SEC14L1: variants seen among roughly 807,000 people sequenced by gnomAD.
SEC14L1 encodes SEC14-like protein 1.
A neutral mutation model predicts 85.3 loss-of-function variants in SEC14L1; 48 were observed. That is an observed-to-expected ratio of 0.56 (90% CI 0.45 to 0.72). The LOEUF (loss-of-function observed/expected upper bound fraction) is 0.72. Among genes scored for constraint, SEC14L1 ranks in the 30% least tolerant of loss-of-function variants. The pLI is 0.00. For synonymous variants in SEC14L1, 391 were observed against 355.5 expected (o/e 1.10, Z -1.12); for missense variants, 682 against 921.4 (o/e 0.74, Z 3.36).
rs377423988 is a variant in SEC14L1, at chr17:77,214,072, C to T, written c.*49C>T. 1.5e-5 allele frequency: 23 copies of T among 1,582,424 alleles called. No homozygotes were observed. Among genetic ancestry groups the T allele is most frequent in the Middle Eastern group, 2.3e-4 (1 of 4,360 alleles). On this transcript the variant is annotated 3_prime_UTR_variant, in exon 17 of 17. Coordinates refer to ENST00000436233, the MANE Select transcript of SEC14L1 (RefSeq NM_001143998.2). ...TGCAGAGGGGACGGCCGCCCCTCCTCGGACAGCCAGCTGCACCCGCCCACC... is the reference window on the plus strand; with the variant it reads ...TGCAGAGGGGACGGCCGCCCCTCCTTGGACAGCCAGCTGCACCCGCCCACC...
At chr17:77,202,021 G>C (rs1976174195) in intron 9 of SEC14L1, among the ~76,000 whole-genome samples, 1 of 152,120 alleles carries the variant, frequency 6.6e-6, no homozygotes, top group Non-Finnish European at 1.5e-5. Context: ...TATTCCTCCT[G>C]CTGCGCCTTC....
chr17:77,142,009 A>G (rs569390367), intron 1 of SEC14L1, among the ~76,000 whole-genome samples: 4 of 152,276 alleles, frequency 2.6e-5, no homozygotes, highest in African/African-American at 7.2e-5. Context: ...GAAAAGCTTC[A>G]AGTTGAGTTT....
In SEC14L1 at chr17:77,194,892, C is replaced by A; in HGVS notation, c.690C>A (p.Pro230=). ...DALSSPSAPE[P]VVGTPDDKLD... is the part of the protein sequence containing the mutation. ...TCAGCAGCCCCAGCGCACCTGAGCCCGTGGTGGGCACCCCTGACGGTGGGT... is the reference window on the plus strand; with the variant it reads ...TCAGCAGCCCCAGCGCACCTGAGCCAGTGGTGGGCACCCCTGACGGTGGGT... Residue 230 remains proline (P), a synonymous_variant, in exon 7 of 17, where the codon CCC becomes CCA. Coordinates refer to ENST00000436233, the MANE Select transcript of SEC14L1 (RefSeq NM_001143998.2). 1 of 1,613,966 alleles carries A rather than the reference C, an allele frequency of 6.2e-7. No homozygotes were observed. Among genetic ancestry groups the A allele is most frequent in the Non-Finnish European group, 8.5e-7 (1 of 1,179,848 alleles).
Position 77,213,039 on chromosome 17 carries a change from G to T in SEC14L1, c.1864-275G>T, listed in dbSNP as rs1048555559. ...ACCAGCCTGCCAGGCTCCTGCCTCC[G>T]TAGGTGGGGTGGGCTGGGCAGGCCT... is the stretch of plus-strand genomic sequence containing the variant. On this transcript the variant is annotated intron_variant, in intron 15 of 16. Transcript: ENST00000436233. The surrounding 1 kb of genome is among the most constrained non-coding windows in gnomAD (Gnocchi z 7.1). Among the ~76,000 whole-genome samples, 1 of 152,356 alleles carries T rather than the reference G, an allele frequency of 6.6e-6. No homozygotes were observed. Among genetic ancestry groups the T allele is most frequent in the Middle Eastern group, 3.4e-3 (1 of 294 alleles).
Position 77,206,188 on chromosome 17 carries a change from T to A in SEC14L1, c.1170-41T>A. On this transcript the variant is annotated intron_variant, in intron 11 of 16. Coordinates refer to ENST00000436233, the MANE Select transcript of SEC14L1 (RefSeq NM_001143998.2). This position sits in a 1 kb window ranked among gnomAD's most constrained non-coding sequence, Gnocchi z 4.3. ...AAAATAAGACACAGTTTGCTAAGTG[T>A]GCTGTCTGTTGAATGAAACACATCT... 6.3e-7 allele frequency: 1 copy of A among 1,590,934 alleles called. No individual in the cohort carries two copies. Among genetic ancestry groups the A allele is most frequent in the Non-Finnish European group, 8.6e-7 (1 of 1,161,876 alleles).
intron 1 of SEC14L1, among the ~76,000 whole-genome samples, chr17:77,142,232 C>T (rs1344684785): frequency 6.6e-6 from 1 of 152,028 alleles, no homozygotes; most frequent in African/African-American, 2.4e-5. Context: ...AGAGGTATGC[C>T]AGACATACCA....
intron 3 of SEC14L1, chr17:77,181,017 T>TCTTA (rs1975011932): frequency 6.6e-6 from 1 of 152,216 alleles, no homozygotes; most frequent in Non-Finnish European, 1.5e-5. Flanking sequence ...TCCTTGTCAC[T>TCTTA]CTTACGGTCT....
At chr17:77,196,825 G>A (rs16969749) in intron 8 of SEC14L1, among the ~76,000 whole-genome samples, 23,164 of 152,202 alleles carry the variant, frequency 0.15, 1,962 homozygotes, top group East Asian at 0.27. Context: ...CTGTCAGCCT[G>A]CTTACTAGAA....
intron 3 of SEC14L1, among the ~76,000 whole-genome samples, chr17:77,124,737 G>T (rs1300654561): frequency 6.6e-6 from 1 of 152,144 alleles, no homozygotes; most frequent in Non-Finnish European, 1.5e-5. Context: ...GGCAGCTCAG[G>T]TTTACTGAGT....
At chr17:77,139,160 ATTTTTT>A (rs749541191), upstream of SEC14L1, among the ~76,000 whole-genome samples, 4 of 120,158 alleles carry the variant, frequency 3.3e-5, no homozygotes, top group African/African-American at 3.3e-5. Flanking sequence ...GGTCAGGTGA[ATTTTTT>A]TTTTTTTTTT....
At chr17:77,166,579 G>T (rs1370482391) in intron 3 of SEC14L1, among the ~76,000 whole-genome samples, 1 of 152,156 alleles carries the variant, frequency 6.6e-6, no homozygotes, top group East Asian at 1.9e-4. Context: ...GTGGCTTATG[G>T]CTGTAATCCC....
chr17:77,204,479 C>T (rs12936767), intron 10 of SEC14L1, among the ~76,000 whole-genome samples: 18,571 of 149,400 alleles, frequency 0.12, 1,579 homozygotes, highest in East Asian at 0.27. Flanking sequence ...CTTGGCCTCC[C>T]GAAGTGCTGG....
intron 3 of SEC14L1, among the ~76,000 whole-genome samples, chr17:77,096,055 CTTT>C (rs58863646): frequency 1.6e-5 from 2 of 124,222 alleles, no homozygotes. Context: ...TGCAGTCAGT[CTTT>C]TTTTTTTTTT....
At chr17:77,139,649 C>T (rs973129394), upstream of SEC14L1, among the ~76,000 whole-genome samples, 1 of 151,988 alleles carries the variant, frequency 6.6e-6, no homozygotes, top group African/African-American at 2.4e-5. Flanking sequence ...AGGCGCCCGC[C>T]ACCACGCCCG....
rs755115868 is a variant in SEC14L1 at position 77,213,073 on chromosome 17, C to T, written c.1864-241C>T. Among the ~76,000 whole-genome samples the T allele has an allele frequency of 1.3e-5, 2 of 152,254 alleles. No homozygotes were observed. Among genetic ancestry groups the T allele is most frequent in the Admixed American group, 6.5e-5 (1 of 15,286 alleles). On this transcript the variant is annotated intron_variant, in intron 15 of 16. Transcript: ENST00000436233. This position sits in a 1 kb window ranked among gnomAD's most constrained non-coding sequence, Gnocchi z 7.1. Reference sequence around the variant, plus strand: ...GTGGGCTGGGCAGGCCTCGTGAGGGCCACGGACATGGAGCTTGTCCCTCCG... The same window carrying T: ...GTGGGCTGGGCAGGCCTCGTGAGGGTCACGGACATGGAGCTTGTCCCTCCG...
chr17:77,183,607 G>A lies in SEC14L1; in HGVS notation c.64-7196G>A, dbSNP rs992281963. On this transcript the variant is annotated intron_variant, in intron 3 of 16. Coordinates refer to ENST00000436233, the MANE Select transcript of SEC14L1 (RefSeq NM_001143998.2). ...TGTGCCACTGCACTCCAGCCTGGGT[G>A]ACCAGAGTGAGACCCTGTCTCAGAA... 2.6e-5 allele frequency among the ~76,000 whole-genome samples: 4 copies of A among 152,326 alleles called. No individual in the cohort carries two copies. The East Asian group carries it at 7.7e-4, about 29-fold the overall frequency.
At chr17:77,124,359 G>T (rs910610337) in intron 3 of SEC14L1, among the ~76,000 whole-genome samples, 1 of 152,098 alleles carries the variant, frequency 6.6e-6, no homozygotes, top group African/African-American at 2.4e-5. Flanking sequence ...GCAAGATTCC[G>T]TCTCAAAACA....
chr17:77,095,687 G>T (rs1971624908), intron 3 of SEC14L1, among the ~76,000 whole-genome samples: 1 of 152,020 alleles, frequency 6.6e-6, no homozygotes, highest in Admixed American at 6.6e-5. Context: ...TGTCGTGGCA[G>T]GCACCTGTAA....
chr17:77,183,391 T>G (rs1975129806), intron 3 of SEC14L1, among the ~76,000 whole-genome samples: 1 of 152,248 alleles, frequency 6.6e-6, no homozygotes, highest in Non-Finnish European at 1.5e-5. Context: ...CATTTGAAAG[T>G]AAGTTGCTTT....
Sources: gnomAD v4.1 joint callset for allele counts (sites outside exome capture counted in the v4.1 genomes callset) on GRCh38, gnomAD v4.1.1 for gene constraint, Gnocchi (gnomAD v3.1) non-coding constraint, MANE v1.5 for transcripts, NCBI Gene and HGNC (gene_info 2026-07-23, HGNC 2026-07-21) for gene names.